WDR7: variants seen among roughly 807,000 people sequenced by gnomAD.
The protein encoded by WDR7 is WD repeat-containing protein 7.
Under a neutral mutation model 169.4 loss-of-function variants are expected in WDR7, and 46 were observed. The observed-to-expected ratio is 0.27, with a 90% CI of 0.21 to 0.35. The LOEUF (loss-of-function observed/expected upper bound fraction) is 0.35, where lower values mean the gene tolerates loss of function less well. Among genes scored for constraint, WDR7 ranks in the 10% least tolerant of loss-of-function variants. The pLI is 1.00. For synonymous variants in WDR7, 612 were observed against 666.8 expected, an observed-to-expected ratio of 0.92 and a Z score of 1.27; for missense variants, 1,534 against 1,859.3, an observed-to-expected ratio of 0.83 and a Z score of 3.22.
At chr18:56,886,307 G>A (rs1372588301) in intron 21 of WDR7, among the ~76,000 whole-genome samples, 1 of 152,130 alleles carries the variant, frequency 6.6e-6, no homozygotes, top group Non-Finnish European at 1.5e-5. Context: ...AACCAGAAGG[G>A]ATTGAGGCCC....
intron 16 of WDR7, among the ~76,000 whole-genome samples, chr18:56,765,312 GTTCTTT>G (rs1020301302): frequency 1.6e-4 from 25 of 151,560 alleles, no homozygotes; most frequent in African/African-American, 5.8e-4. Context: ...TTTATTTTTT[GTTCTTT>G]TTCTTTTTCT....
chr18:56,801,599 T>G (rs2044673191), intron 19 of WDR7, among the ~76,000 whole-genome samples: 1 of 152,210 alleles, frequency 6.6e-6, no homozygotes, highest in Admixed American at 6.5e-5. Context: ...TTATATAGCC[T>G]CTTTGTAATC....
chr18:56,773,290 T>C (rs2145033120), intron 16 of WDR7, among the ~76,000 whole-genome samples: 1 of 152,246 alleles, frequency 6.6e-6, no homozygotes, highest in Middle Eastern at 3.4e-3. Flanking sequence ...TTCAAGACAG[T>C]CTTTATGATT....
At chr18:56,875,505 G>A (rs1387308833) in intron 20 of WDR7, among the ~76,000 whole-genome samples, 5 of 152,078 alleles carry the variant, frequency 3.3e-5, no homozygotes, top group Non-Finnish European at 7.4e-5. Flanking sequence ...GATATAAATT[G>A]GAATGTGCAT....
chr18:56,756,464 G>A (rs1379131051), intron 14 of WDR7, 119 bp from the exon 15 acceptor site: 1 of 895,866 alleles, frequency 1.1e-6, no homozygotes, highest in Admixed American at 3.1e-5. Flanking sequence ...CATGATATAG[G>A]TTCCTAGAAG....
At chr18:57,033,110 A>G (rs911162248), downstream of WDR7, 1 of 152,004 alleles carries the variant, frequency 6.6e-6, no homozygotes, top group East Asian at 1.9e-4. Context: ...TATGTTCTTT[A>G]TTTTATTTTC....
chr18:56,974,042 T>G (rs1216930349), intron 26 of WDR7, among the ~76,000 whole-genome samples: 2 of 152,220 alleles, frequency 1.3e-5, no homozygotes, highest in Non-Finnish European at 2.9e-5. Flanking sequence ...TTGTTGTAGT[T>G]CTGGAACATT....
intron 26 of WDR7, among the ~76,000 whole-genome samples, chr18:56,977,273 A>G (rs2047581535): frequency 6.6e-6 from 1 of 152,236 alleles, no homozygotes; most frequent in Non-Finnish European, 1.5e-5. Flanking sequence ...CCAATAGGAA[A>G]CATGTTAAAA....
intron 20 of WDR7, among the ~76,000 whole-genome samples, chr18:56,852,594 T>C (rs1297362806): frequency 6.6e-6 from 1 of 152,174 alleles, no homozygotes; most frequent in Non-Finnish European, 1.5e-5. Flanking sequence ...TATCAAGCAA[T>C]TAATGATTAA....
intron 26 of WDR7, among the ~76,000 whole-genome samples, chr18:56,997,798 T>G (rs2047918930): frequency 6.6e-6 from 1 of 152,158 alleles, no homozygotes; most frequent in Non-Finnish European, 1.5e-5. Flanking sequence ...AACAGTGGGA[T>G]GTAAAATGTA....
chr18:56,675,431 T>C (rs976915568), intron 2 of WDR7, among the ~76,000 whole-genome samples: 3 of 152,178 alleles, frequency 2.0e-5, no homozygotes, highest in Non-Finnish European at 4.4e-5. Context: ...TGTATTACTT[T>C]TGTTAAATTT....
chr18:56,700,565 CTTTTTTTTTTT>C (rs71169389), intron 12 of WDR7, among the ~76,000 whole-genome samples: 8 of 115,836 alleles, frequency 6.9e-5, no homozygotes, highest in African/African-American at 2.0e-4. Context: ...AATATTGTTT[CTTTTTTTTTTT>C]TTTTTTTTTT....
chr18:56,882,519 TTAAC>T (rs1485281660), intron 21 of WDR7, among the ~76,000 whole-genome samples: 2 of 152,230 alleles, frequency 1.3e-5, no homozygotes, highest in Non-Finnish European at 2.9e-5. Context: ...AGTAGAATAT[TTAAC>T]TATTTCATAT....
At chr18:56,727,360 T>C (rs116098385) in intron 13 of WDR7, among the ~76,000 whole-genome samples, 4,363 of 152,222 alleles carry the variant, frequency 0.029, 186 homozygotes, top group African/African-American at 0.099. Context: ...TTTTCTATCT[T>C]TTGAACCTCT....
chr18:56,849,452 G>A (rs1337104366), intron 20 of WDR7, among the ~76,000 whole-genome samples: 1 of 152,080 alleles, frequency 6.6e-6, no homozygotes, highest in East Asian at 1.9e-4. Flanking sequence ...AAGCTTCCTT[G>A]TGTCCAACCA....
At chr18:56,862,104 A>C (rs1176008700) in intron 20 of WDR7, among the ~76,000 whole-genome samples, 1 of 152,016 alleles carries the variant, frequency 6.6e-6, no homozygotes, top group African/African-American at 2.4e-5. Context: ...TTTGCATATA[A>C]ATATAAATTA....
chr18:56,830,374 TACTC>T (rs1450904607), intron 20 of WDR7, among the ~76,000 whole-genome samples: 3 of 152,232 alleles, frequency 2.0e-5, no homozygotes, highest in Non-Finnish European at 4.4e-5. Flanking sequence ...GGTTTGGCAT[TACTC>T]ACTACTGTCA....
At chr18:56,788,499 A>G (rs1465061345) in intron 19 of WDR7, among the ~76,000 whole-genome samples, 1 of 152,172 alleles carries the variant, frequency 6.6e-6, no homozygotes, top group Non-Finnish European at 1.5e-5. Context: ...ATGTAAAATA[A>G]GAGTAAACTG....
chr18:56,952,075 A>C (rs541052947), intron 25 of WDR7, among the ~76,000 whole-genome samples: 1 of 152,328 alleles, frequency 6.6e-6, no homozygotes, highest in East Asian at 1.9e-4. Flanking sequence ...GATATCTCAG[A>C]TCATGTAAAA....
Sources: allele counts gnomAD v4.1 joint callset (sites outside exome capture counted in the v4.1 genomes callset), GRCh38; gene constraint gnomAD v4.1.1; transcripts MANE v1.5; gene names NCBI Gene and HGNC (gene_info 2026-07-23, HGNC 2026-07-21).